Variants in IGSF10 observed in about 807,000 individuals in gnomAD.
IGSF10 encodes calvaria mechanical force protein 608.
In IGSF10, 126 loss-of-function variants were observed where a neutral mutation model predicts 128.2. The observed-to-expected ratio is 0.98, with a 90% CI of 0.85 to 1.14. IGSF10 has a LOEUF of 1.14. Among genes scored for constraint, IGSF10 ranks in the 50% most tolerant of loss-of-function variants. IGSF10 has a pLI of 0.00. For missense variants in IGSF10, 3,295 were observed against 3,149.8 expected (o/e 1.05, Z -1.10); for synonymous variants, 1,185 against 1,146.2 (o/e 1.03, Z -0.68).
chr3:151,534,984 A>AG, the IGSF10 span, among the ~76,000 whole-genome samples: 2 of 152,132 alleles, frequency 1.3e-5, no homozygotes, highest in Admixed American at 6.5e-5. Flanking sequence ...ATCCAATACC[A>AG]GCTTTATCAG....
At chr3:151,572,313 A>T in the IGSF10 span, among the ~76,000 whole-genome samples, 1 of 152,158 alleles carries the variant, frequency 6.6e-6, no homozygotes, top group Middle Eastern at 3.4e-3. Flanking sequence ...TCCTCTTTGT[A>T]CCTCTGGTAG....
chr3:151,470,084 A>G, the IGSF10 span, among the ~76,000 whole-genome samples: 33 of 152,346 alleles, frequency 2.2e-4, no homozygotes, highest in East Asian at 5.8e-3. Flanking sequence ...CTGTAATGCC[A>G]CAAGGATTTA....
the IGSF10 span, among the ~76,000 whole-genome samples, chr3:151,493,570 C>T: frequency 6.6e-6 from 1 of 152,098 alleles, no homozygotes; most frequent in South Asian, 2.1e-4. Flanking sequence ...CAATAACATC[C>T]AGTACAGAAT....
At chr3:151,461,841 G>A (rs569437578), upstream of IGSF10, among the ~76,000 whole-genome samples, 3 of 152,138 alleles carry the variant, frequency 2.0e-5, no homozygotes, top group African/African-American at 7.2e-5. Flanking sequence ...TTTTTCTTTT[G>A]GTTTCTGGCT....
chr3:151,478,346 C>A, the IGSF10 span, among the ~76,000 whole-genome samples: 2 of 152,178 alleles, frequency 1.3e-5, no homozygotes, highest in Non-Finnish European at 2.9e-5. Flanking sequence ...ACTTCTAATA[C>A]AAAAGGGAAC....
chr3:151,606,026 A>G, the IGSF10 span, among the ~76,000 whole-genome samples: 1 of 152,196 alleles, frequency 6.6e-6, no homozygotes, highest in Non-Finnish European at 1.5e-5. Flanking sequence ...ATTGGGAATC[A>G]CTATTCTATC....
At chr3:151,538,100 C>G in the IGSF10 span, among the ~76,000 whole-genome samples, 1 of 152,158 alleles carries the variant, frequency 6.6e-6, no homozygotes, top group African/African-American at 2.4e-5. Flanking sequence ...TGCCAAACTT[C>G]ACGTTTAGTT....
At chr3:151,557,563 T>A in the IGSF10 span, among the ~76,000 whole-genome samples, 9 of 152,088 alleles carry the variant, frequency 5.9e-5, no homozygotes, top group African/African-American at 1.7e-4. Context: ...GGGCATATTA[T>A]GCAATGATGT....
the IGSF10 span, among the ~76,000 whole-genome samples, chr3:151,493,208 T>A: frequency 1.3e-5 from 2 of 152,154 alleles, no homozygotes; most frequent in African/African-American, 4.8e-5. Context: ...AATGAACAAG[T>A]GATCTAATGT....
intron 5 of IGSF10, among the ~76,000 whole-genome samples, chr3:151,453,009 C>T (rs1404714473): frequency 6.6e-6 from 1 of 151,888 alleles, no homozygotes; most frequent in Non-Finnish European, 1.5e-5. Context: ...GCCTGTGTGC[C>T]TGGGATGGGC....
upstream of IGSF10, among the ~76,000 whole-genome samples, chr3:151,463,541 T>G (rs1272057582): frequency 9.2e-6 from 1 of 108,612 alleles, no homozygotes; most frequent in Admixed American, 9.2e-5. Flanking sequence ...TTTTTTTTTT[T>G]TTTTTTTTTT....
At chr3:151,574,424 T>C in the IGSF10 span, among the ~76,000 whole-genome samples, 1 of 152,358 alleles carries the variant, frequency 6.6e-6, no homozygotes, top group Admixed American at 6.5e-5. Context: ...TTCTCTTTAC[T>C]CTTTTTTCTC....
At chr3:151,481,608 C>T in the IGSF10 span, among the ~76,000 whole-genome samples, 1 of 152,098 alleles carries the variant, frequency 6.6e-6, no homozygotes, top group Non-Finnish European at 1.5e-5. Context: ...GAAATGCATT[C>T]ACTTGTGCCT....
chr3:151,586,673 G>A, the IGSF10 span, among the ~76,000 whole-genome samples: 8 of 152,208 alleles, frequency 5.3e-5, no homozygotes, highest in East Asian at 1.9e-4. Context: ...TAACTGCTCC[G>A]GATGCCTTGC....
chr3:151,617,038 G>T, the IGSF10 span, among the ~76,000 whole-genome samples: 1 of 152,128 alleles, frequency 6.6e-6, no homozygotes, highest in South Asian at 2.1e-4. Context: ...TGCTGGAAAT[G>T]GAGTCAAAGG....
intron 3 of IGSF10, among the ~76,000 whole-genome samples, chr3:151,457,741 T>A (rs1451832854): frequency 6.6e-6 from 1 of 152,234 alleles, no homozygotes; most frequent in Admixed American, 6.5e-5. Context: ...GATGCAGTGC[T>A]TAACCCAATG....
At chr3:151,607,084 T>C in the IGSF10 span, among the ~76,000 whole-genome samples, 1 of 152,134 alleles carries the variant, frequency 6.6e-6, no homozygotes, top group Non-Finnish European at 1.5e-5. Context: ...ATTAGATTAT[T>C]TGTGAAGAGC....
At chr3:151,605,744 G>A in the IGSF10 span, among the ~76,000 whole-genome samples, 1 of 152,130 alleles carries the variant, frequency 6.6e-6, no homozygotes, top group African/African-American at 2.4e-5. Flanking sequence ...TTTTTCCATA[G>A]TCTATTCTAT....
rs771400856 is a variant in IGSF10, at chr3:151,448,788, G to C, written c.1193C>G (p.Pro398Arg). The C allele has an allele frequency of 6.2e-7, 1 of 1,613,512 alleles. No individual in the cohort carries two copies. Among genetic ancestry groups the C allele is most frequent in the Non-Finnish European group, 8.5e-7 (1 of 1,179,516 alleles). The change falls in exon 6 of 8, where the codon CCG (proline) becomes CGG (arginine). Residue 398 changes from proline to arginine, a missense_variant. Transcript: ENST00000282466. ...CTGTTTATATTTGTAATAGAGCTGC[G>C]GTGTTTCACTAAGCAAGTGGCTCCT... is the stretch of plus-strand genomic sequence containing the variant. Reference protein sequence around the residue: ...LERSHLLSETPQLYYKYKQVA... With the variant: ...LERSHLLSETRQLYYKYKQVA...
Sources: allele counts gnomAD v4.1 joint callset (sites outside exome capture counted in the v4.1 genomes callset), GRCh38; gene constraint gnomAD v4.1.1; transcripts MANE v1.5; gene names NCBI Gene and HGNC (gene_info 2026-07-23, HGNC 2026-07-21).